The following TRMT44 variants were observed in gnomAD, a reference collection of about 807,000 sequenced individuals.
TRMT44 encodes tRNA methyltransferase 44 homolog.
A neutral mutation model predicts 77.3 loss-of-function variants in TRMT44; 78 were observed. That is an observed-to-expected ratio of 1.01 (90% CI 0.84 to 1.22). TRMT44 has a LOEUF of 1.22. Ranked by LOEUF, TRMT44 falls within the 50% of genes most tolerant of loss-of-function variation. The pLI, the probability that TRMT44 is intolerant of heterozygous loss-of-function variation, is 0.00. For synonymous variants in TRMT44, 391 were observed against 383.3 expected, an observed-to-expected ratio of 1.02 and a Z score of -0.23; for missense variants, 1,090 against 964.4, an observed-to-expected ratio of 1.13 and a Z score of -1.73.
intron 2 of TRMT44, among the ~76,000 whole-genome samples, chr4:8,485,064 A>G (rs1727761098): frequency 6.6e-6 from 1 of 152,210 alleles, no homozygotes; most frequent in Admixed American, 6.5e-5. Flanking sequence ...ATATTGAATA[A>G]GGTGAGAAGC....
In TRMT44 at chr4:8,453,047, G is replaced by A; in HGVS notation, c.1131+58G>A. 5.5e-6 allele frequency: 6 copies of A among 1,086,444 alleles called. No homozygotes were observed. In the South Asian group the frequency reaches 9.9e-5, roughly 18 times the overall value. 67.3% of individuals were successfully genotyped at this position (1,086,444 alleles called of 1,614,324 possible). Reference sequence around the variant, plus strand: ...CTTGTCCAGAGTTTCCTCAAGTCAGGCACAGGGTTCACTGACATCTTTTTC... The same window carrying A: ...CTTGTCCAGAGTTTCCTCAAGTCAGACACAGGGTTCACTGACATCTTTTTC... On this transcript the variant is annotated intron_variant, in intron 5 of 10. Coordinates refer to ENST00000389737, the MANE Select transcript of TRMT44 (RefSeq NM_152544.3).
intron 3 of TRMT44, among the ~76,000 whole-genome samples, chr4:8,450,220 G>A (rs1460109557): frequency 2.0e-5 from 3 of 151,932 alleles, no homozygotes; most frequent in Non-Finnish European, 4.4e-5. Context: ...ACAGGTGTGA[G>A]CCACCGTGTC....
chr4:8,477,240 A>C (rs1356117593), downstream of TRMT44: 1 of 152,142 alleles, frequency 6.6e-6, no homozygotes, highest in Non-Finnish European at 1.5e-5. Context: ...ATAAATGGGC[A>C]TCTTCTCTGA....
intron 9 of TRMT44, among the ~76,000 whole-genome samples, chr4:8,470,262 C>T (rs920513720): frequency 6.6e-6 from 1 of 152,140 alleles, no homozygotes; most frequent in Non-Finnish European, 1.5e-5. Context: ...GCTGCGACAG[C>T]GGCTGCCAGC....
chr4:8,495,939 G>A (rs557590733), downstream of TRMT44, among the ~76,000 whole-genome samples: 12 of 152,328 alleles, frequency 7.9e-5, no homozygotes, highest in African/African-American at 2.6e-4. Context: ...CGTGGGCGGG[G>A]CCTATTCATT....
In TRMT44 at chr4:8,489,460, CGTTTTGTTTT is replaced by C. The variant is rs3068622; in HGVS notation, n.3892-3785_3892-3776del. Among the ~76,000 whole-genome samples, 397 of 150,454 alleles carry C rather than the reference CGTTTTGTTTT, an allele frequency of 2.6e-3. 2 individuals carry two copies. Among genetic ancestry groups the C allele is most frequent in the South Asian group, 0.011 (50 of 4,702 alleles). ...GGAAGACAGGCTGTAGTTTTGTTTT[CGTTTTGTTTT>C]GTTTTGTTTTGTTTTGTTTTATTTG... is the stretch of plus-strand genomic sequence containing the variant. On this transcript the variant is annotated intron_variant and non_coding_transcript_variant, in intron 2 of 2. Coordinates refer to the TRMT44 transcript ENST00000511366.
rs890919915 is a variant in TRMT44 at position 8,461,623 on chromosome 4, C to G, written c.1204-2362C>G. Among the ~76,000 whole-genome samples the G allele has an allele frequency of 3.3e-5, 5 of 152,138 alleles. No homozygotes were observed. Among genetic ancestry groups the G allele is most frequent in the African/African-American group, 4.8e-5 (2 of 41,420 alleles). On this transcript the variant is annotated intron_variant, in intron 6 of 10. Coordinates refer to ENST00000389737, the MANE Select transcript of TRMT44 (RefSeq NM_152544.3). The surrounding 1 kb of genome is among the most constrained non-coding windows in gnomAD (Gnocchi z 4.6). ...AGGGTCATCTGACCTGGGGAAGACC[C>G]TACCCCGAGCACTTAGTCAGGAAAG...
intron 6 of TRMT44, among the ~76,000 whole-genome samples, chr4:8,462,470 G>C (rs1726222550): frequency 6.6e-6 from 1 of 152,072 alleles, no homozygotes. Context: ...ACTTTGGGAG[G>C]CCAAAGCAGG....
At chr4:8,509,345 G>A in the TRMT44 span, 2 of 152,744 alleles carry the variant, frequency 1.3e-5, no homozygotes, top group East Asian at 3.9e-4. Context: ...GCTGTGTAAG[G>A]TGCCCAGGCA....
rs1373052750 is a variant in TRMT44 at position 8,450,007 on chromosome 4, AAAG to A, written c.954+120_954+122del. Reference sequence around the variant, plus strand: ...TCTTGTTCTGTCACCCCCCCAAAAAAAAGGGCCAGAGTGAAGTGGTGTGATCTT... The same window carrying A: ...TCTTGTTCTGTCACCCCCCCAAAAAAGGCCAGAGTGAAGTGGTGTGATCTT... On this transcript the variant is annotated intron_variant, in intron 3 of 10. Transcript: ENST00000389737. 4.2e-4 allele frequency: 259 copies of A among 621,698 alleles called. 2 individuals are homozygous for A. The highest frequency in any genetic ancestry group is 5.5e-5 in the Non-Finnish European group (22 of 396,682). The allele number at this position is 621,698 out of a possible 1,614,324, so 38.5% of individuals were successfully genotyped here.
the TRMT44 span, among the ~76,000 whole-genome samples, chr4:8,515,810 G>T: frequency 1.3e-5 from 2 of 152,228 alleles, no homozygotes; most frequent in Non-Finnish European, 2.9e-5. Flanking sequence ...GTGACATGGG[G>T]CTGGTTCAGG....
At chr4:8,463,828 G>A (rs1452839208) in intron 6 of TRMT44, among the ~76,000 whole-genome samples, 157 bp from the exon 7 acceptor site, 1 of 152,194 alleles carries the variant, frequency 6.6e-6, no homozygotes, top group Non-Finnish European at 1.5e-5. Context: ...AGGATACATT[G>A]ACTTCCCCGC....
At chr4:8,467,744 A>T (rs909251021) in intron 8 of TRMT44, among the ~76,000 whole-genome samples, 170 bp from the exon 9 acceptor site, 1 of 152,234 alleles carries the variant, frequency 6.6e-6, no homozygotes, top group African/African-American at 2.4e-5. Flanking sequence ...AAATGCTAGG[A>T]TGATAGGAGT....
Position 8,467,943 on chromosome 4 carries a change from C to A in TRMT44, c.1524C>A (p.Tyr508Ter). ...GTCTCGTTGGAAAATCCAGAACATA[C>A]CCTTCCTCCAGAGAAGCTTCCGTGG... Reference protein sequence around the residue: ...RVCLVGKSRTYPSSREASVDE... With the variant: ...RVCLVGKSRT Residue 508 changes from tyrosine to a stop codon, truncating the protein, a stop_gained, in exon 9 of 11, where the codon TAC (tyrosine) becomes TAA (stop). Transcript: ENST00000389737. LOFTEE classifies it high-confidence loss of function. 2 of 1,612,824 alleles carry A rather than the reference C, an allele frequency of 1.2e-6. No individual in the cohort carries two copies. The highest frequency in any genetic ancestry group is 8.5e-7 in the Non-Finnish European group (1 of 1,178,994).
intron 2 of TRMT44, among the ~76,000 whole-genome samples, chr4:8,488,747 A>T (rs7682579): frequency 2.0e-5 from 3 of 152,206 alleles, no homozygotes; most frequent in African/African-American, 4.8e-5. Context: ...GCAGCCCTAG[A>T]TGCCATCCTT....
chr4:8,489,226 T>C (rs1056795425), intron 2 of TRMT44, among the ~76,000 whole-genome samples: 4 of 152,214 alleles, frequency 2.6e-5, no homozygotes, highest in Admixed American at 1.3e-4. Flanking sequence ...ATTCATAGCC[T>C]GCAACATGGC....
At position 8,461,364 on chromosome 4, in the gene TRMT44, A is replaced by G. The variant is rs1235254209; in HGVS notation, c.1204-2621A>G. On this transcript the variant is annotated intron_variant, in intron 6 of 10. Coordinates refer to ENST00000389737, the MANE Select transcript of TRMT44 (RefSeq NM_152544.3). This position sits in a 1 kb window ranked among gnomAD's most constrained non-coding sequence, Gnocchi z 4.6. ...CCAGAATCGGGCTCTAAACTTGGCTATGAAGTTAATGATCAAAGCTAAAGC... is the reference window on the plus strand; with the variant it reads ...CCAGAATCGGGCTCTAAACTTGGCTGTGAAGTTAATGATCAAAGCTAAAGC... Among the ~76,000 whole-genome samples, 3 of 152,196 alleles carry G rather than the reference A, an allele frequency of 2.0e-5. No homozygotes were observed. The highest frequency in any genetic ancestry group is 7.2e-5 in the African/African-American group (3 of 41,444).
intron 2 of TRMT44, among the ~76,000 whole-genome samples, chr4:8,448,514 G>A (rs565152046): frequency 6.6e-6 from 1 of 152,226 alleles, no homozygotes; most frequent in Non-Finnish European, 1.5e-5. Context: ...ACCTCTGGGG[G>A]ACCCTGGGGA....
At chr4:8,494,363 C>T (rs1036467619), downstream of TRMT44, among the ~76,000 whole-genome samples, 2 of 152,172 alleles carry the variant, frequency 1.3e-5, no homozygotes, top group African/African-American at 2.4e-5. Context: ...AAGGACAGAG[C>T]TCAAAGTCAT....
Sources: gnomAD v4.1 joint callset for allele counts (sites outside exome capture counted in the v4.1 genomes callset) on GRCh38, gnomAD v4.1.1 for gene constraint, Gnocchi (gnomAD v3.1) non-coding constraint, MANE v1.5 for transcripts, NCBI Gene and HGNC (gene_info 2026-07-23, HGNC 2026-07-21) for gene names.